The following GRM5 variants were observed in gnomAD, a reference collection of about 807,000 sequenced individuals.
GRM5 encodes glutamate metabotropic receptor 5.
GRM5 carries 19 observed loss-of-function variants against 83.1 expected under a neutral mutation model. That is an observed-to-expected ratio of 0.23 (90% CI 0.16 to 0.34). The LOEUF (loss-of-function observed/expected upper bound fraction) is 0.34. Among genes scored for constraint, GRM5 ranks in the 10% least tolerant of loss-of-function variants. The probability of loss-of-function intolerance (pLI) is 1.00; values close to 1 mark genes in which losing one functional copy is unlikely to be tolerated. For missense variants in GRM5, 1,160 were observed against 1,588.3 expected (o/e 0.73, Z 4.58); for synonymous variants, 675 against 633.6 (o/e 1.07, Z -0.98).
intron 2 of GRM5, among the ~76,000 whole-genome samples, chr11:88,959,377 A>G (rs1363840055): frequency 1.3e-5 from 2 of 151,980 alleles, no homozygotes; most frequent in Non-Finnish European, 2.9e-5. Flanking sequence ...TGCAAATTTT[A>G]ACTAATAATC....
chr11:89,031,763 G>A (rs1227008347), intron 2 of GRM5, among the ~76,000 whole-genome samples: 1 of 151,690 alleles, frequency 6.6e-6, no homozygotes, highest in Non-Finnish European at 1.5e-5. Flanking sequence ...ATAATACCTA[G>A]CTATTAAATC....
intron 2 of GRM5, among the ~76,000 whole-genome samples, chr11:88,987,363 C>A (rs1462766448): frequency 6.6e-6 from 1 of 152,118 alleles, no homozygotes; most frequent in Non-Finnish European, 1.5e-5. Context: ...GGTCCTACGC[C>A]CACGGAGTCT....
At chr11:88,820,902 T>A (rs1482143881) in intron 3 of GRM5, among the ~76,000 whole-genome samples, 1 of 152,166 alleles carries the variant, frequency 6.6e-6, no homozygotes, top group Admixed American at 6.5e-5. Context: ...AGCACAAAAA[T>A]TATTCCTGAT....
chr11:88,979,280 A>G (rs999738585), intron 2 of GRM5, among the ~76,000 whole-genome samples: 5 of 152,208 alleles, frequency 3.3e-5, no homozygotes, highest in Admixed American at 1.3e-4. Context: ...TCTCACTATC[A>G]TGATTTCATA....
intron 3 of GRM5, among the ~76,000 whole-genome samples, chr11:88,824,398 C>T (rs1405480908): frequency 6.6e-6 from 1 of 152,038 alleles, no homozygotes; most frequent in Non-Finnish European, 1.5e-5. Flanking sequence ...GCTCTCCTCC[C>T]CACCATCCTG....
chr11:88,530,991 C>G (rs1357900696), intron 8 of GRM5, among the ~76,000 whole-genome samples: 1 of 151,986 alleles, frequency 6.6e-6, no homozygotes, highest in Non-Finnish European at 1.5e-5. Flanking sequence ...AGAATGATAG[C>G]CGGGCTTGGG....
At chr11:88,650,461 C>T (rs183364032) in intron 4 of GRM5, among the ~76,000 whole-genome samples, 2 of 152,014 alleles carry the variant, frequency 1.3e-5, no homozygotes, top group Admixed American at 1.3e-4. Flanking sequence ...CTTTGAAATA[C>T]ATCATGAAAA....
intron 3 of GRM5, among the ~76,000 whole-genome samples, chr11:88,806,637 A>G (rs1318969786): frequency 6.6e-6 from 1 of 152,106 alleles, no homozygotes; most frequent in Non-Finnish European, 1.5e-5. Flanking sequence ...GACAATACTG[A>G]GGTTACTTTA....
intron 1 of GRM5, among the ~76,000 whole-genome samples, chr11:89,064,888 C>CTGTGTGTGTGTGTGTG (rs71464050): frequency 3.2e-5 from 2 of 62,268 alleles, no homozygotes; most frequent in African/African-American, 1.4e-4. Flanking sequence ...CTCTCTCTCT[C>CTGTGTGTGTGTGTGTG]TGTGTGTGTG....
chr11:88,879,818 C>T (rs577037949), intron 2 of GRM5, among the ~76,000 whole-genome samples: 1 of 152,010 alleles, frequency 6.6e-6, no homozygotes, highest in African/African-American at 2.4e-5. Flanking sequence ...AGCAGATTGC[C>T]TATAGAGCTG....
chr11:88,577,569 C>G (rs927289604), intron 7 of GRM5, among the ~76,000 whole-genome samples: 1 of 152,116 alleles, frequency 6.6e-6, no homozygotes, highest in Non-Finnish European at 1.5e-5. Context: ...CTTTACTCTG[C>G]TAGTCATTGT....
chr11:88,567,871 G>A lies in GRM5; in HGVS notation c.1812C>T (p.Tyr604=), dbSNP rs200682775. 162 of 1,613,738 alleles carry A rather than the reference G, an allele frequency of 1.0e-4. 1 individual carries two copies. The South Asian group carries it at 1.7e-3, about 17-fold the overall frequency. The change falls in exon 8 of 10, where the codon TAC becomes TAT. Residue 604 remains tyrosine (Y), a synonymous_variant. Transcript: ENST00000305447. This position sits in a 1 kb window ranked among gnomAD's most constrained non-coding sequence, Gnocchi z 7.3. The part of the protein sequence containing the change: ...TLFVTVVFII[Y]RDTPVVKSSS... ...AGGACTTGACTACTGGTGTATCACGGTAAATGATGAAGACTACAGTAACAA... is the reference window on the plus strand; with the variant it reads ...AGGACTTGACTACTGGTGTATCACGATAAATGATGAAGACTACAGTAACAA...
At chr11:88,903,795 C>A (rs1405066598) in intron 2 of GRM5, among the ~76,000 whole-genome samples, 1 of 152,146 alleles carries the variant, frequency 6.6e-6, no homozygotes, top group East Asian at 1.9e-4. Flanking sequence ...TTAATAGGTA[C>A]AACGTACATT....
intron 3 of GRM5, among the ~76,000 whole-genome samples, chr11:88,757,537 CA>C (rs894267363): frequency 5.3e-5 from 8 of 152,138 alleles, no homozygotes; most frequent in African/African-American, 1.9e-4. Context: ...TGAGCAGCCA[CA>C]GAGAGAGCAC....
chr11:89,020,794 A>T (rs1940964951), intron 2 of GRM5, among the ~76,000 whole-genome samples: 1 of 152,212 alleles, frequency 6.6e-6, no homozygotes, highest in Non-Finnish European at 1.5e-5. Context: ...GCCAAGCATG[A>T]TCCTTAGGGC....
chr11:88,968,701 G>A (rs1401709507), intron 2 of GRM5, among the ~76,000 whole-genome samples: 3 of 151,764 alleles, frequency 2.0e-5, no homozygotes, highest in Admixed American at 2.0e-4. Flanking sequence ...AACACAAAGT[G>A]TTCAAGATTT....
intron 2 of GRM5, among the ~76,000 whole-genome samples, chr11:88,993,095 C>G (rs189315989): frequency 2.6e-4 from 39 of 149,316 alleles, no homozygotes; most frequent in Non-Finnish European, 1.8e-4. Flanking sequence ...TGAAACCCAC[C>G]TCTACTGAAA....
chr11:88,967,466 C>T (rs960762728), intron 2 of GRM5, among the ~76,000 whole-genome samples: 1 of 151,840 alleles, frequency 6.6e-6, no homozygotes, highest in African/African-American at 2.4e-5. Flanking sequence ...ATGGGGCCTA[C>T]ATCTAGCAAG....
intron 8 of GRM5, among the ~76,000 whole-genome samples, chr11:88,535,561 A>C (rs1224091671): frequency 6.6e-6 from 1 of 152,250 alleles, no homozygotes; most frequent in Non-Finnish European, 1.5e-5. Context: ...TTTTAGTGTC[A>C]GAAATTCTTT....
Sources: allele counts gnomAD v4.1 joint callset (sites outside exome capture counted in the v4.1 genomes callset), GRCh38; gene constraint gnomAD v4.1.1; non-coding constraint Gnocchi (gnomAD v3.1); transcripts MANE v1.5; gene names NCBI Gene and HGNC (gene_info 2026-07-23, HGNC 2026-07-21).